ACOT11: variants seen among roughly 807,000 people sequenced by gnomAD.
ACOT11 encodes acyl-CoA thioesterase 11.
In ACOT11, 69 loss-of-function variants were observed where a neutral mutation model predicts 77.5. The ratio of observed to expected loss-of-function variants is 0.89; its 90% CI spans 0.73 to 1.09. The LOEUF (loss-of-function observed/expected upper bound fraction) is 1.09, where lower values mean the gene tolerates loss of function less well. Ranked by LOEUF, ACOT11 falls within the 50% of genes least tolerant of loss-of-function variation. The pLI is 0.00. For synonymous variants in ACOT11, 279 were observed against 313.0 expected (o/e 0.89, Z 1.15); for missense variants, 766 against 813.7 (o/e 0.94, Z 0.71).
In ACOT11 at chr1:54,548,356, G is replaced by A. The variant is rs752064054; in HGVS notation, c.33+14G>A. 16 of 1,599,950 alleles carry A rather than the reference G, an allele frequency of 1.0e-5. No individual in the cohort carries two copies. The Middle Eastern group carries it at 1.5e-3, about 150-fold the overall frequency. ...CACCTGCGACGGGTATGGAGGGTGG[G>A]CTGGGGCAGCGGGAGGGCTCTGGAA... is the stretch of plus-strand genomic sequence containing the variant. On this transcript the variant is annotated intron_variant, in intron 1 of 15. Coordinates refer to ENST00000343744, the MANE Select transcript of ACOT11 (RefSeq NM_147161.4).
intron 15 of ACOT11, chr1:54,619,752 A>G: frequency 8.9e-7 from 1 of 1,125,666 alleles, no homozygotes; most frequent in East Asian, 2.4e-5. Flanking sequence ...GCTGAAAGAC[A>G]TGTAAACAGC....
chr1:54,594,481 G>C, intron 5 of ACOT11, 75 bp from the exon 6 acceptor site: 1 of 1,534,376 alleles, frequency 6.5e-7, no homozygotes, highest in Non-Finnish European at 8.8e-7. Context: ...GCATGGCATG[G>C]TGCTGGGGAC....
chr1:54,637,807 G>A lies in ACOT11; in HGVS notation c.*3078G>A, dbSNP rs994930073. 4.4e-4 allele frequency: 67 copies of A among 151,850 alleles called. 1 individual carries two copies. Among genetic ancestry groups the A allele is most frequent in the Non-Finnish European group, 3.5e-4 (24 of 67,974 alleles). 9.4% of individuals were successfully genotyped at this position (151,850 alleles called of 1,614,324 possible). A position where few individuals can be genotyped will look rare whatever the true frequency, so the allele number is the denominator to read the frequency against. ...GCCTCAAAAAAAGAAGGCTTAGTGT[G>A]CAACTCATCAGAGTTGCACAGGGCA... On this transcript the variant is annotated 3_prime_UTR_variant, in exon 17 of 17. Coordinates refer to the ACOT11 transcript ENST00000371316.
Position 54,584,828 on chromosome 1 carries a change from G to C in ACOT11, c.207G>C (p.Leu69=). 2 of 1,613,960 alleles carry C rather than the reference G, an allele frequency of 1.2e-6. No individual in the cohort carries two copies. The highest frequency in any genetic ancestry group is 1.7e-6 in the Non-Finnish European group (2 of 1,180,002). ...NQRGELSVGQ[L]LKWIDTTACL... is the part of the protein sequence containing the mutation. ...GTGGTGAGCTGAGCGTCGGGCAGCT[G>C]CTCAAGTGGATTGACACCACGGCTT... The change falls in exon 2 of 16, where the codon CTG becomes CTC. Residue 69 remains leucine, a synonymous_variant. Coordinates refer to ENST00000343744, the MANE Select transcript of ACOT11 (RefSeq NM_147161.4). The surrounding 1 kb of genome is among the most constrained non-coding windows in gnomAD (Gnocchi z 6.3).
chr1:54,624,953 T>C (rs1569810928), intron 15 of ACOT11, among the ~76,000 whole-genome samples: 1 of 147,724 alleles, frequency 6.8e-6, no homozygotes, highest in African/African-American at 2.5e-5. Flanking sequence ...GGTTGGGAGG[T>C]GATGTGGTGA....
chr1:54,562,238 C>A, intron 1 of ACOT11, among the ~76,000 whole-genome samples: 1 of 114,116 alleles, frequency 8.8e-6, no homozygotes, highest in African/African-American at 4.2e-5. Context: ...CCACCTCCCT[C>A]CCGGACGGGG....
At position 54,607,662 on chromosome 1, in the gene ACOT11, C is replaced by T. The variant is rs144533132; in HGVS notation, c.1503-280C>T. 5.9e-5 allele frequency among the ~76,000 whole-genome samples: 9 copies of T among 152,226 alleles called. No individual in the cohort carries two copies. The highest frequency in any genetic ancestry group is 1.9e-4 in the African/African-American group (8 of 41,534). ...GACAGAAAAAAAATCCCAAAGCCCA[C>T]GAGTCTTCCCCTGAGCGTTGAAGTG... On this transcript the variant is annotated intron_variant, in intron 14 of 15. Transcript: ENST00000343744. This position sits in a 1 kb window ranked among gnomAD's most constrained non-coding sequence, Gnocchi z 4.5.
At chr1:54,562,518 T>G (rs1478955508) in intron 1 of ACOT11, among the ~76,000 whole-genome samples, 3 of 56,102 alleles carry the variant, frequency 5.3e-5, no homozygotes, top group South Asian at 6.5e-4. Context: ...CCCTCCCGGA[T>G]GGGGCGGCTG....
chr1:54,563,833 C>A (rs180758497), intron 1 of ACOT11, among the ~76,000 whole-genome samples: 1 of 151,962 alleles, frequency 6.6e-6, no homozygotes, highest in East Asian at 1.9e-4. Flanking sequence ...GCTGAGGGAG[C>A]GGGGGGCGGA....
intron 15 of ACOT11, among the ~76,000 whole-genome samples, chr1:54,622,901 A>G (rs1461057164): frequency 2.0e-5 from 3 of 152,014 alleles, no homozygotes; most frequent in Non-Finnish European, 4.4e-5. Context: ...TTGGCCAGGC[A>G]TGATGACTCA....
chr1:54,629,982 C>T (rs1186250159), intron 15 of ACOT11, among the ~76,000 whole-genome samples: 2 of 134,354 alleles, frequency 1.5e-5, no homozygotes, highest in African/African-American at 5.1e-5. Flanking sequence ...TCACTGCAAG[C>T]TCTGCCTCCC....
rs1402619708 is a variant in ACOT11 at position 54,593,963 on chromosome 1, A to C, written c.395A>C (p.Glu132Ala). The C allele has an allele frequency of 1.4e-5, 23 of 1,613,988 alleles. No homozygotes were observed. The highest frequency in any genetic ancestry group is 1.7e-5 in the Admixed American group (1 of 59,990). The change falls in exon 5 of 16, where the codon GAG (glutamate) becomes GCG (alanine). Residue 132 changes from glutamate to alanine, a missense_variant. Coordinates refer to ENST00000343744, the MANE Select transcript of ACOT11 (RefSeq NM_147161.4). ...CAGGTGGGCATCCAGGTGGCCTCGGAGGACCTGTGCTCTGAGAAGCAGTGG... is the reference window on the plus strand; with the variant it reads ...CAGGTGGGCATCCAGGTGGCCTCGGCGGACCTGTGCTCTGAGAAGCAGTGG... ...SMEVGIQVAS[E>A]DLCSEKQWNV... is the part of the protein sequence containing the mutation.
chr1:54,551,723 T>A (rs994188697), intron 1 of ACOT11, among the ~76,000 whole-genome samples: 5 of 146,618 alleles, frequency 3.4e-5, no homozygotes, highest in Non-Finnish European at 7.5e-5. Flanking sequence ...TTGTTTTTGT[T>A]TTTGTTTTGT....
intron 1 of ACOT11, among the ~76,000 whole-genome samples, chr1:54,569,482 A>T (rs1314558843): frequency 6.6e-6 from 1 of 151,450 alleles, no homozygotes; most frequent in Non-Finnish European, 1.5e-5. Flanking sequence ...ATCCTGAGCC[A>T]CTCCTTGTTC....
chr1:54,558,958 C>G (rs1653365349), intron 1 of ACOT11, among the ~76,000 whole-genome samples: 1 of 152,208 alleles, frequency 6.6e-6, no homozygotes, highest in Non-Finnish European at 1.5e-5. Flanking sequence ...CATGGTTCCC[C>G]TTCTTTGTAT....
At chr1:54,586,487 A>G (rs1197583606) in intron 3 of ACOT11, among the ~76,000 whole-genome samples, 1 of 151,240 alleles carries the variant, frequency 6.6e-6, no homozygotes, top group Non-Finnish European at 1.5e-5. Context: ...GCTGGAGTAC[A>G]ATGACACGAT....
At position 54,559,953 on chromosome 1, in the gene ACOT11, G is replaced by T. The variant is rs1653405301; in HGVS notation, c.33+11611G>T. Among the ~76,000 whole-genome samples, 2 of 152,220 alleles carry T rather than the reference G, an allele frequency of 1.3e-5. 1 individual carries two copies. The highest frequency in any genetic ancestry group is 4.1e-4 in the South Asian group (2 of 4,830). On this transcript the variant is annotated intron_variant, in intron 1 of 15. Transcript: ENST00000343744. Reference sequence around the variant, plus strand: ...TGCCTTATGCCTGCTCTGTCCTGTGGCTCCAGGGACAGATGGTGCTGCTGG... The same window carrying T: ...TGCCTTATGCCTGCTCTGTCCTGTGTCTCCAGGGACAGATGGTGCTGCTGG...
At chr1:54,614,421 T>A (rs1644149770), downstream of ACOT11, among the ~76,000 whole-genome samples, 1 of 74,920 alleles carries the variant, frequency 1.3e-5, no homozygotes, top group South Asian at 8.4e-4. Flanking sequence ...GTCAGGGCTG[T>A]GTTAGAAGGA....
intron 1 of ACOT11, among the ~76,000 whole-genome samples, chr1:54,582,024 C>T (rs926073957): frequency 1.2e-4 from 18 of 152,338 alleles, no homozygotes; most frequent in East Asian, 1.9e-4. Context: ...ACGGCTTCTG[C>T]GCCCCTCTCT....
Sources: allele counts gnomAD v4.1 joint callset (sites outside exome capture counted in the v4.1 genomes callset), GRCh38; gene constraint gnomAD v4.1.1; non-coding constraint Gnocchi (gnomAD v3.1); transcripts MANE v1.5; gene names NCBI Gene and HGNC (gene_info 2026-07-23, HGNC 2026-07-21).